PTK2: variants seen among roughly 807,000 people sequenced by gnomAD.
The protein encoded by PTK2 is protein tyrosine kinase 2, also known as focal adhesion kinase 1.
PTK2 carries 45 observed loss-of-function variants against 150.1 expected under a neutral mutation model. That is an observed-to-expected ratio of 0.30 (90% CI 0.24 to 0.38). PTK2 has a LOEUF of 0.38. PTK2 is among the 10% of genes least tolerant of loss of function. The pLI, the probability that PTK2 is intolerant of heterozygous loss-of-function variation, is 1.00. For missense variants in PTK2, 919 were observed against 1,307.3 expected, an observed-to-expected ratio of 0.70 and a Z score of 4.58; for synonymous variants, 432 against 449.2, an observed-to-expected ratio of 0.96 and a Z score of 0.48.
At chr8:140,970,353 C>G (rs115776355) in intron 1 of PTK2, among the ~76,000 whole-genome samples, 1,848 of 152,348 alleles carry the variant, frequency 0.012, 41 homozygotes, top group African/African-American at 0.042. Context: ...AGTGAAACAT[C>G]AGTTAAGCGA....
chr8:140,926,770 T>A (rs2100169617), intron 1 of PTK2, among the ~76,000 whole-genome samples: 1 of 152,248 alleles, frequency 6.6e-6, no homozygotes, highest in South Asian at 2.1e-4. Flanking sequence ...TCTTATTTAA[T>A]ATTTCTGCCA....
intron 2 of PTK2, among the ~76,000 whole-genome samples, chr8:140,900,897 G>GAA (rs55905492): frequency 3.3e-5 from 5 of 149,760 alleles, no homozygotes; most frequent in Admixed American, 6.7e-5. Flanking sequence ...GCAGAAATAG[G>GAA]AAAAAAAAAA....
chr8:140,917,094 A>G (rs942292610), intron 2 of PTK2, among the ~76,000 whole-genome samples: 2 of 152,202 alleles, frequency 1.3e-5, no homozygotes, highest in African/African-American at 2.4e-5. Flanking sequence ...TAAAGCAGAA[A>G]GAAACTGTAA....
chr8:140,758,006 T>C (rs1476663273), intron 16 of PTK2, among the ~76,000 whole-genome samples: 3 of 150,336 alleles, frequency 2.0e-5, no homozygotes, highest in Non-Finnish European at 4.4e-5. Flanking sequence ...TAAACGACTA[T>C]GTTACAGGTT....
At chr8:140,673,227 C>G (rs1027553851) in intron 29 of PTK2, among the ~76,000 whole-genome samples, 5 of 152,080 alleles carry the variant, frequency 3.3e-5, no homozygotes, top group Non-Finnish European at 7.4e-5. Flanking sequence ...CCTGCCTCAG[C>G]CACCTGAGTA....
At chr8:140,914,090 T>A (rs900123651) in intron 2 of PTK2, among the ~76,000 whole-genome samples, 2 of 152,086 alleles carry the variant, frequency 1.3e-5, no homozygotes, top group Non-Finnish European at 2.9e-5. Context: ...TAATATAAAA[T>A]AAAAATACAA....
chr8:140,754,825 C>T (rs1205624123), intron 16 of PTK2, among the ~76,000 whole-genome samples: 1 of 152,092 alleles, frequency 6.6e-6, no homozygotes, highest in Non-Finnish European at 1.5e-5. Context: ...GTTAGAAGGG[C>T]CAGTTACAGA....
At chr8:140,712,412 G>C (rs1474728465) in intron 23 of PTK2, among the ~76,000 whole-genome samples, 1 of 152,186 alleles carries the variant, frequency 6.6e-6, no homozygotes, top group Non-Finnish European at 1.5e-5. Context: ...GAAAAGGGAG[G>C]AGTATTTTGG....
chr8:140,806,428 C>T (rs1033511885), intron 10 of PTK2, among the ~76,000 whole-genome samples: 19 of 152,046 alleles, frequency 1.2e-4, no homozygotes, highest in African/African-American at 4.1e-4. Flanking sequence ...CGCCTTCCAA[C>T]AGACCGAGAG....
chr8:140,741,027 C>T (rs977276350), intron 20 of PTK2, among the ~76,000 whole-genome samples: 1 of 152,082 alleles, frequency 6.6e-6, no homozygotes, highest in African/African-American at 2.4e-5. Context: ...GCCTGTGGTC[C>T]CAGCTACTCA....
chr8:140,994,732 C>G (rs77960859), intron 1 of PTK2, among the ~76,000 whole-genome samples: 2,832 of 152,244 alleles, frequency 0.019, 92 homozygotes, highest in African/African-American at 0.063. Context: ...CATGTGCATT[C>G]CCACTATTCC....
intron 14 of PTK2, chr8:140,771,297 CGAT>C (rs1489111881): frequency 6.6e-6 from 1 of 152,244 alleles, no homozygotes; most frequent in Non-Finnish European, 1.5e-5. Context: ...TAAAAACTGG[CGAT>C]GAGGATCTTT....
At chr8:140,763,437 G>A (rs536104454) in intron 15 of PTK2, among the ~76,000 whole-genome samples, 1 of 151,646 alleles carries the variant, frequency 6.6e-6, no homozygotes, top group African/African-American at 2.4e-5. Context: ...TTAAAAGGCA[G>A]GTTTAATTTT....
chr8:140,915,273 G>C (rs2100164797), intron 2 of PTK2, among the ~76,000 whole-genome samples: 1 of 152,042 alleles, frequency 6.6e-6, no homozygotes, highest in Non-Finnish European at 1.5e-5. Context: ...ATTTTAAATT[G>C]TTTGATCGGG....
intron 1 of PTK2, among the ~76,000 whole-genome samples, chr8:140,941,393 T>C (rs2100175692): frequency 6.6e-6 from 1 of 152,210 alleles, no homozygotes; most frequent in South Asian, 2.1e-4. Context: ...CTGGAGACAG[T>C]GTCTCAAGAC....
At chr8:140,876,162 G>A (rs940164012) in intron 4 of PTK2, among the ~76,000 whole-genome samples, 2 of 151,868 alleles carry the variant, frequency 1.3e-5, no homozygotes, top group Non-Finnish European at 2.9e-5. Flanking sequence ...CTTGTTTCAT[G>A]GGGCCAATGC....
chr8:140,988,042 C>T (rs1349411616), intron 1 of PTK2, among the ~76,000 whole-genome samples: 1 of 108,890 alleles, frequency 9.2e-6, no homozygotes, highest in African/African-American at 2.9e-5. Flanking sequence ...GAGACCCTGT[C>T]TCAAAAAAAA....
At chr8:140,777,897 C>T (rs1566151635) in intron 14 of PTK2, among the ~76,000 whole-genome samples, 1 of 152,216 alleles carries the variant, frequency 6.6e-6, no homozygotes, top group African/African-American at 2.4e-5. Context: ...TATTAACTCA[C>T]TTTTCCTTAT....
chr8:140,809,731 A>G (rs1184223080), intron 10 of PTK2, among the ~76,000 whole-genome samples: 1 of 152,194 alleles, frequency 6.6e-6, no homozygotes, highest in Admixed American at 6.5e-5. Context: ...GCTTGAGCCC[A>G]GATGGCAGAG....
Sources: allele counts gnomAD v4.1 joint callset (sites outside exome capture counted in the v4.1 genomes callset), GRCh38; gene constraint gnomAD v4.1.1; transcripts MANE v1.5; gene names NCBI Gene and HGNC (gene_info 2026-07-23, HGNC 2026-07-21).